AOPEP: variants seen among roughly 807,000 people sequenced by gnomAD.
The protein encoded by AOPEP is aminopeptidase O.
In AOPEP, 77 loss-of-function variants were observed where a neutral mutation model predicts 98.1. The observed-to-expected ratio is 0.78, with a 90% CI of 0.65 to 0.95. The LOEUF is 0.95. AOPEP is among the 40% of genes least tolerant of loss of function. AOPEP has a pLI of 0.00. For synonymous variants in AOPEP, 346 were observed against 365.3 expected, an observed-to-expected ratio of 0.95 and a Z score of 0.60; for missense variants, 1,024 against 1,024.7, an observed-to-expected ratio of 1.00 and a Z score of 0.01.
the AOPEP span, among the ~76,000 whole-genome samples, chr9:95,137,400 T>C: frequency 6.6e-6 from 1 of 151,918 alleles, no homozygotes; most frequent in South Asian, 2.1e-4. Context: ...GGAGGGTACA[T>C]TCACCTCAGA....
At chr9:94,967,627 T>C (rs2059287552) in intron 9 of AOPEP, 131 bp from the exon 10 acceptor site, 1 of 685,418 alleles carries the variant, frequency 1.5e-6, no homozygotes, top group African/African-American at 1.8e-5. Context: ...TATAGTCTTT[T>C]AAGTCAGCAT....
At chr9:94,955,582 AGT>A (rs1246949795) in intron 8 of AOPEP, among the ~76,000 whole-genome samples, 2 of 152,178 alleles carry the variant, frequency 1.3e-5, no homozygotes, top group East Asian at 3.8e-4. Flanking sequence ...GTGAGAAGGA[AGT>A]GTTTTCTGTC....
chr9:95,147,868 G>A, the AOPEP span, among the ~76,000 whole-genome samples: 225 of 152,278 alleles, frequency 1.5e-3, no homozygotes, highest in Non-Finnish European at 2.4e-3. Flanking sequence ...TGTATTGCTT[G>A]TACTTGTCTG....
chr9:94,727,196 C>G (rs1829404361), intron 1 of AOPEP, among the ~76,000 whole-genome samples: 1 of 152,212 alleles, frequency 6.6e-6, no homozygotes, highest in Non-Finnish European at 1.5e-5. Flanking sequence ...CTTCTTCCCC[C>G]GGAGGATCTT....
chr9:94,797,522 C>G (rs185792948), intron 4 of AOPEP, among the ~76,000 whole-genome samples: 14 of 151,756 alleles, frequency 9.2e-5, no homozygotes, highest in Non-Finnish European at 2.1e-4. Context: ...ATCATAGAAT[C>G]ATAGTGCCAG....
chr9:94,818,145 T>C (rs528996146), intron 5 of AOPEP, among the ~76,000 whole-genome samples: 5 of 152,232 alleles, frequency 3.3e-5, no homozygotes, highest in Non-Finnish European at 7.3e-5. Flanking sequence ...TGCTGTGTCC[T>C]GTTACTCCCT....
At chr9:94,891,235 A>G (rs1423372758) in intron 5 of AOPEP, among the ~76,000 whole-genome samples, 2 of 152,218 alleles carry the variant, frequency 1.3e-5, no homozygotes, top group Non-Finnish European at 2.9e-5. Context: ...TGATAGTAAT[A>G]TAGCCACTCC....
intron 5 of AOPEP, among the ~76,000 whole-genome samples, chr9:94,841,321 G>A (rs1210390500): frequency 6.6e-6 from 1 of 152,078 alleles, no homozygotes; most frequent in African/African-American, 2.4e-5. Context: ...ACAGGCGTGT[G>A]CCACGATGCT....
intron 13 of AOPEP, among the ~76,000 whole-genome samples, chr9:95,058,575 C>T (rs922741583): frequency 4.6e-5 from 7 of 152,210 alleles, no homozygotes; most frequent in African/African-American, 1.7e-4. Flanking sequence ...GCCTGTTGTC[C>T]TCGGACTGTC....
chr9:94,781,626 T>C (rs960014887), intron 3 of AOPEP, among the ~76,000 whole-genome samples: 5 of 151,208 alleles, frequency 3.3e-5, no homozygotes, highest in African/African-American at 1.2e-4. Context: ...AGTGGCACGA[T>C]CTCCGCTCAC....
the AOPEP span, among the ~76,000 whole-genome samples, chr9:95,119,469 G>C: frequency 6.6e-6 from 1 of 151,128 alleles, no homozygotes; most frequent in Non-Finnish European, 1.5e-5. Context: ...AGGTTCAAGC[G>C]ATTCTCCTGC....
At chr9:95,030,169 A>G (rs2064174134) in intron 13 of AOPEP, among the ~76,000 whole-genome samples, 1 of 152,224 alleles carries the variant, frequency 6.6e-6, no homozygotes, top group African/African-American at 2.4e-5. Context: ...GGGAAGGTAT[A>G]AAGAAGAAAT....
chr9:94,773,436 A>G (rs1286593083), intron 3 of AOPEP, among the ~76,000 whole-genome samples: 1 of 152,090 alleles, frequency 6.6e-6, no homozygotes, highest in Non-Finnish European at 1.5e-5. Flanking sequence ...TTTGTAGGCC[A>G]TAAGTAGGTG....
At chr9:95,037,939 A>G (rs1343614288) in intron 13 of AOPEP, among the ~76,000 whole-genome samples, 1 of 152,182 alleles carries the variant, frequency 6.6e-6, no homozygotes, top group African/African-American at 2.4e-5. Flanking sequence ...TTGGCACCTC[A>G]GGCACGTATG....
intron 5 of AOPEP, among the ~76,000 whole-genome samples, chr9:94,919,970 A>G (rs2053380042): frequency 6.6e-6 from 1 of 152,176 alleles, no homozygotes; most frequent in African/African-American, 2.4e-5. Flanking sequence ...AGTCTGTATG[A>G]TGCCTCCCAA....
chr9:95,004,330 C>T (rs1375420011), intron 11 of AOPEP: 2 of 455,670 alleles, frequency 4.4e-6, no homozygotes, highest in Non-Finnish European at 8.8e-6. Context: ...AGATTGACCC[C>T]TTCTTTTTAA....
the AOPEP span, chr9:95,110,170 T>C: frequency 2.3e-6 from 2 of 871,698 alleles, no homozygotes; most frequent in Non-Finnish European, 2.8e-6. Flanking sequence ...TATTTTTTCA[T>C]AAAAAAGGAC....
intron 14 of AOPEP, among the ~76,000 whole-genome samples, chr9:95,077,396 G>A (rs763891301): frequency 3.2e-4 from 48 of 152,194 alleles, no homozygotes; most frequent in Non-Finnish European, 4.4e-4. Context: ...GAGGCCGGTC[G>A]CCCCGCCAGG....
intron 5 of AOPEP, among the ~76,000 whole-genome samples, chr9:94,868,286 G>C (rs890657225): frequency 4.6e-5 from 7 of 152,204 alleles, no homozygotes; most frequent in Non-Finnish European, 7.3e-5. Flanking sequence ...AAATAGTGCA[G>C]TTCACCAGTT....
Sources: allele counts gnomAD v4.1 joint callset (sites outside exome capture counted in the v4.1 genomes callset), GRCh38; gene constraint gnomAD v4.1.1; transcripts MANE v1.5; gene names NCBI Gene and HGNC (gene_info 2026-07-23, HGNC 2026-07-21).